Variants in CLSTN2 observed in about 807,000 individuals in gnomAD.
CLSTN2 encodes calsyntenin 2.
Under a neutral mutation model 101.2 loss-of-function variants are expected in CLSTN2, and 48 were observed. That is an observed-to-expected ratio of 0.47 (90% CI 0.38 to 0.60). CLSTN2 has a LOEUF of 0.60. Ranked by LOEUF, CLSTN2 falls within the 20% of genes least tolerant of loss-of-function variation. The pLI, the probability that CLSTN2 is intolerant of heterozygous loss-of-function variation, is 0.00. For missense variants in CLSTN2, 1,160 were observed against 1,238.2 expected (o/e 0.94, Z 0.95); for synonymous variants, 481 against 463.6 (o/e 1.04, Z -0.48).
At position 140,573,668 on chromosome 3, in the gene CLSTN2, C is replaced by T. The variant is rs1361706253; in HGVS notation, c.*7415C>T. 1 of 152,286 alleles carries T rather than the reference C, an allele frequency of 6.6e-6. No individual in the cohort carries two copies. The highest frequency in any genetic ancestry group is 6.5e-5 in the Admixed American group (1 of 15,276). The allele number at this position is 152,286 out of a possible 1,614,324, so 9.4% of individuals were successfully genotyped here. The stretch of plus-strand genomic sequence containing the variant: ...AGAGTCAGAGGGCCAGGGCCCTGGG[C>T]TTTGGGGTGGAAGGACAGAAGAGTA... On this transcript the variant is annotated 3_prime_UTR_variant, in exon 17 of 17. Coordinates refer to ENST00000458420, the MANE Select transcript of CLSTN2 (RefSeq NM_022131.3).
chr3:140,486,277 A>AAG (rs1934240665), intron 8 of CLSTN2, among the ~76,000 whole-genome samples: 1 of 151,764 alleles, frequency 6.6e-6, no homozygotes, highest in Admixed American at 6.6e-5. Flanking sequence ...CATAGGAAAG[A>AAG]AAGAGCATTG....
At chr3:140,370,194 C>T (rs1342572015) in intron 2 of CLSTN2, among the ~76,000 whole-genome samples, 1 of 152,190 alleles carries the variant, frequency 6.6e-6, no homozygotes, top group African/African-American at 2.4e-5. Flanking sequence ...GAGTCTGCTT[C>T]AATTACTCAC....
chr3:140,053,884 G>C (rs7355862), intron 1 of CLSTN2, among the ~76,000 whole-genome samples: 14 of 152,298 alleles, frequency 9.2e-5, no homozygotes, highest in Admixed American at 2.6e-4. Flanking sequence ...ACACATGTAA[G>C]GAACCTTTTT....
In CLSTN2 at chr3:140,564,012, T is replaced by C. The variant is rs1018968297; in HGVS notation, c.2534T>C (p.Val845Ala). ...ATCATCATCTCCGTGTGCATGCTTG[T>C]GTTTGTCGTGGCCATGGGTGTGTAC... ...VVIIISVCMLVFVVAMGVYRV... is the reference protein window; with the variant it reads ...VVIIISVCMLAFVVAMGVYRV... Residue 845 changes from valine (V) to alanine (A), a missense_variant, in exon 16 of 17, where the codon GTG (valine) becomes GCG (alanine). Coordinates refer to ENST00000458420, the MANE Select transcript of CLSTN2 (RefSeq NM_022131.3). 13 of 1,614,052 alleles carry C rather than the reference T, an allele frequency of 8.1e-6. No individual in the cohort carries two copies. The highest frequency in any genetic ancestry group is 1.1e-5 in the Non-Finnish European group (13 of 1,180,028).
intron 2 of CLSTN2, among the ~76,000 whole-genome samples, chr3:140,256,637 A>C (rs529321685): frequency 6.6e-6 from 1 of 152,332 alleles, no homozygotes; most frequent in South Asian, 2.1e-4. Flanking sequence ...AGAAGAACAT[A>C]TTTGGACCTG....
chr3:140,445,625 A>C (rs551789932), intron 5 of CLSTN2, among the ~76,000 whole-genome samples: 58 of 152,208 alleles, frequency 3.8e-4, no homozygotes, highest in Admixed American at 7.2e-4. Flanking sequence ...CTATATAGAG[A>C]AGGGATAGAT....
At chr3:140,114,394 C>A (rs1362917326) in intron 1 of CLSTN2, among the ~76,000 whole-genome samples, 1 of 152,190 alleles carries the variant, frequency 6.6e-6, no homozygotes, top group Non-Finnish European at 1.5e-5. Context: ...TCACCCTTAT[C>A]ACCTGGCATC....
intron 1 of CLSTN2, among the ~76,000 whole-genome samples, chr3:140,145,988 A>C (rs566750755): frequency 1.8e-4 from 27 of 152,218 alleles, no homozygotes; most frequent in Non-Finnish European, 3.5e-4. Context: ...TCTGGGAGTT[A>C]GTTGGATGGA....
At chr3:140,158,344 C>CT (rs2107818309) in intron 1 of CLSTN2, among the ~76,000 whole-genome samples, 1 of 152,236 alleles carries the variant, frequency 6.6e-6, no homozygotes, top group East Asian at 1.9e-4. Flanking sequence ...TGATAAATGA[C>CT]TTTTTTCCAT....
intron 1 of CLSTN2, among the ~76,000 whole-genome samples, chr3:140,128,310 G>C (rs2107802815): frequency 6.6e-6 from 1 of 152,258 alleles, no homozygotes; most frequent in Middle Eastern, 3.4e-3. Context: ...ACCCACTGTG[G>C]GCCTGACTGC....
At chr3:140,427,237 A>G (rs1447055389) in intron 5 of CLSTN2, among the ~76,000 whole-genome samples, 1 of 133,692 alleles carries the variant, frequency 7.5e-6, no homozygotes, top group African/African-American at 3.3e-5. Context: ...GTGTATATAT[A>G]TATATATACA....
Position 140,566,376 on chromosome 3 carries a change from T to C in CLSTN2, c.*123T>C. On this transcript the variant is annotated 3_prime_UTR_variant, in exon 17 of 17. Transcript: ENST00000458420. ...ATGTCTGGGAAGGCCTTCTCCAGCT[T>C]CCTGGAGCCCACCCTTTAAGCCTTG... The C allele has an allele frequency of 1.0e-6, 1 of 973,406 alleles. No homozygotes were observed. Among genetic ancestry groups the C allele is most frequent in the Non-Finnish European group, 1.6e-6 (1 of 643,306 alleles). The allele number at this position is 973,406 out of a possible 1,614,324, so 60.3% of individuals were successfully genotyped here. A position where few individuals can be genotyped will look rare whatever the true frequency, so the allele number is the denominator to read the frequency against.
At chr3:140,435,496 C>A (rs2088676204) in intron 5 of CLSTN2, among the ~76,000 whole-genome samples, 1 of 152,170 alleles carries the variant, frequency 6.6e-6, no homozygotes, top group Non-Finnish European at 1.5e-5. Flanking sequence ...ACTTCCAAAT[C>A]TTAATTATTG....
chr3:140,132,833 T>C (rs576559157), intron 1 of CLSTN2, among the ~76,000 whole-genome samples: 35 of 152,228 alleles, frequency 2.3e-4, no homozygotes, highest in Non-Finnish European at 4.7e-4. Context: ...GAGCAAAATT[T>C]ACCCCTTACT....
chr3:139,998,995 T>A (rs76989253), intron 1 of CLSTN2, among the ~76,000 whole-genome samples: 1 of 32,548 alleles, frequency 3.1e-5, no homozygotes. Flanking sequence ...GGACCTTGTG[T>A]TTTTTTTTTC....
At chr3:140,203,005 C>T (rs1419441491) in intron 2 of CLSTN2, among the ~76,000 whole-genome samples, 1 of 152,174 alleles carries the variant, frequency 6.6e-6, no homozygotes, top group Non-Finnish European at 1.5e-5. Flanking sequence ...GTAGAGGACC[C>T]CGTAGCCTTC....
intron 2 of CLSTN2, among the ~76,000 whole-genome samples, chr3:140,331,838 T>C (rs2087386404): frequency 6.6e-6 from 1 of 152,242 alleles, no homozygotes; most frequent in Non-Finnish European, 1.5e-5. Flanking sequence ...CCAGTGCTTG[T>C]TCATTAAGTC....
At chr3:139,981,942 A>G (rs1373461157) in intron 1 of CLSTN2, among the ~76,000 whole-genome samples, 1 of 152,110 alleles carries the variant, frequency 6.6e-6, no homozygotes, top group African/African-American at 2.4e-5. Context: ...CTTGCTGATC[A>G]ATATCTGTCT....
intron 2 of CLSTN2, among the ~76,000 whole-genome samples, chr3:140,314,336 G>T (rs983464743): frequency 1.3e-5 from 2 of 152,158 alleles, no homozygotes; most frequent in Non-Finnish European, 2.9e-5. Flanking sequence ...TATTATCATG[G>T]TTTAAATGCC....
Sources: gnomAD v4.1 joint callset for allele counts (sites outside exome capture counted in the v4.1 genomes callset) on GRCh38, gnomAD v4.1.1 for gene constraint, MANE v1.5 for transcripts, NCBI Gene and HGNC (gene_info 2026-07-23, HGNC 2026-07-21) for gene names.